AFG2A: variants seen among roughly 807,000 people sequenced by gnomAD.
AFG2A encodes the protein ATPase family gene 2 protein homolog A.
the AFG2A span, chr4:123,028,040 C>T: frequency 3.3e-6 from 2 of 614,820 alleles, no homozygotes; most frequent in South Asian, 2.6e-5. Context: ...TCTTGTTATT[C>T]TTGGAATTTT....
the AFG2A span, chr4:123,028,059 T>G: frequency 8.0e-6 from 6 of 754,618 alleles, no homozygotes; most frequent in Non-Finnish European, 1.3e-5. Context: ...TTTTAAAGGA[T>G]TTTCCTGATT....
chr4:123,193,661 CGAA>C, the AFG2A span, among the ~76,000 whole-genome samples: 1 of 152,146 alleles, frequency 6.6e-6, no homozygotes, highest in South Asian at 2.1e-4. Context: ...AGAGTAAAAG[CGAA>C]GAAGATGTAT....
At chr4:123,213,913 C>A in the AFG2A span, among the ~76,000 whole-genome samples, 2 of 152,178 alleles carry the variant, frequency 1.3e-5, no homozygotes, top group African/African-American at 4.8e-5. Flanking sequence ...GTAAGTCTAT[C>A]TCTTTCTCTT....
At chr4:123,306,161 CTA>C in the AFG2A span, among the ~76,000 whole-genome samples, 1 of 152,158 alleles carries the variant, frequency 6.6e-6, no homozygotes, top group Non-Finnish European at 1.5e-5. Flanking sequence ...ACATTTGAAA[CTA>C]ATTACTATTT....
the AFG2A span, among the ~76,000 whole-genome samples, chr4:123,066,153 G>C: frequency 6.6e-6 from 1 of 152,142 alleles, no homozygotes; most frequent in African/African-American, 2.4e-5. Flanking sequence ...TGAAAATGAA[G>C]ATCTCAGGCT....
chr4:123,135,923 A>G, the AFG2A span, among the ~76,000 whole-genome samples: 8 of 152,166 alleles, frequency 5.3e-5, no homozygotes, highest in Non-Finnish European at 8.8e-5. Flanking sequence ...ACCTACACAA[A>G]CCAGTAGCAT....
chr4:123,159,490 A>T, the AFG2A span, among the ~76,000 whole-genome samples: 1 of 152,184 alleles, frequency 6.6e-6, no homozygotes, highest in Non-Finnish European at 1.5e-5. Context: ...TTAAACTATG[A>T]TATGCATTGT....
At chr4:123,149,694 T>C in the AFG2A span, among the ~76,000 whole-genome samples, 3 of 152,136 alleles carry the variant, frequency 2.0e-5, no homozygotes, top group Non-Finnish European at 4.4e-5. Context: ...TAGATGGAAC[T>C]GTGCTGTTCA....
the AFG2A span, among the ~76,000 whole-genome samples, chr4:123,023,614 A>G: frequency 6.6e-6 from 1 of 152,146 alleles, no homozygotes; most frequent in Non-Finnish European, 1.5e-5. Context: ...TACCTTTTCC[A>G]CACAGGCCTT....
the AFG2A span, among the ~76,000 whole-genome samples, chr4:123,067,441 C>T: frequency 1.3e-5 from 2 of 151,858 alleles, no homozygotes; most frequent in East Asian, 1.9e-4. Flanking sequence ...CGCTTGAACC[C>T]GGGAGGTGTA....
At chr4:122,943,732 A>C in the AFG2A span, among the ~76,000 whole-genome samples, 2 of 152,162 alleles carry the variant, frequency 1.3e-5, no homozygotes, top group African/African-American at 4.8e-5. Flanking sequence ...TCCTAGTCTC[A>C]ATGGTCTTTA....
chr4:123,202,550 T>C, the AFG2A span, among the ~76,000 whole-genome samples: 3,145 of 152,272 alleles, frequency 0.021, 101 homozygotes, highest in African/African-American at 0.071. Flanking sequence ...CCCCCAATGG[T>C]GATATCTTAT....
At chr4:123,163,321 A>T in the AFG2A span, among the ~76,000 whole-genome samples, 1 of 152,178 alleles carries the variant, frequency 6.6e-6, no homozygotes. Flanking sequence ...CTGTAATCCC[A>T]ACTACTCGGG....
chr4:123,149,567 C>T, the AFG2A span, among the ~76,000 whole-genome samples: 1 of 152,136 alleles, frequency 6.6e-6, no homozygotes, highest in Non-Finnish European at 1.5e-5. Context: ...TATGCATGTA[C>T]ATCAGAATAT....
chr4:123,165,644 A>C, the AFG2A span, among the ~76,000 whole-genome samples: 4 of 152,128 alleles, frequency 2.6e-5, no homozygotes. Context: ...AGTTACTGGA[A>C]TGGTCTTCTT....
the AFG2A span, among the ~76,000 whole-genome samples, chr4:123,194,356 A>G: frequency 6.6e-6 from 1 of 152,204 alleles, no homozygotes; most frequent in African/African-American, 2.4e-5. Context: ...GTTTTAAGAA[A>G]GCTTGCTAAT....
the AFG2A span, among the ~76,000 whole-genome samples, chr4:123,083,549 T>C: frequency 6.6e-6 from 1 of 151,054 alleles, no homozygotes; most frequent in Non-Finnish European, 1.5e-5. Context: ...TATAATGGTA[T>C]ATAATTATTC....
chr4:123,307,377 C>A, the AFG2A span, among the ~76,000 whole-genome samples: 1 of 151,154 alleles, frequency 6.6e-6, no homozygotes, highest in Non-Finnish European at 1.5e-5. Context: ...AGTGTAGATA[C>A]ACACACACAC....
the AFG2A span, among the ~76,000 whole-genome samples, chr4:123,171,630 T>C: frequency 1.3e-5 from 2 of 152,164 alleles, no homozygotes; most frequent in Non-Finnish European, 2.9e-5. Flanking sequence ...CAGTTAATTA[T>C]CCATCTTCCC....
Sources: allele counts gnomAD v4.1 joint callset (sites outside exome capture counted in the v4.1 genomes callset), GRCh38; gene constraint gnomAD v4.1.1; transcripts MANE v1.5; gene names NCBI Gene and HGNC (gene_info 2026-07-23, HGNC 2026-07-21).